Variants in CCDC178 observed in about 807,000 individuals in gnomAD.
CCDC178 encodes coiled-coil domain containing 178.
Under a neutral mutation model 117.4 loss-of-function variants are expected in CCDC178, and 126 were observed. That is an observed-to-expected ratio of 1.07 (90% CI 0.93 to 1.24). The LOEUF (loss-of-function observed/expected upper bound fraction) is 1.24, where lower values mean the gene tolerates loss of function less well. Among genes scored for constraint, CCDC178 ranks in the 50% most tolerant of loss-of-function variants. CCDC178 has a pLI of 0.00. For missense variants in CCDC178, 1,030 were observed against 986.9 expected, an observed-to-expected ratio of 1.04 and a Z score of -0.59; for synonymous variants, 283 against 313.4, an observed-to-expected ratio of 0.90 and a Z score of 1.02.
rs1426338010 is a variant in CCDC178 at position 33,153,833 on chromosome 18, C to A, written c.2238+58063G>T. On this transcript the variant is annotated intron_variant, in intron 20 of 22. Coordinates refer to ENST00000383096, the MANE Select transcript of CCDC178 (RefSeq NM_001105528.4). ...CAGAGAAAAATGGAAAATAATATAT[C>A]CAGTATTATACAAAATTTGTAAATA... Among the ~76,000 whole-genome samples, 5 of 151,206 alleles carry A rather than the reference C, an allele frequency of 3.3e-5. No individual in the cohort carries two copies. The East Asian group carries it at 9.7e-4, about 29-fold the overall frequency.
intron 3 of CCDC178, among the ~76,000 whole-genome samples, chr18:33,405,072 T>C (rs554288022): frequency 6.6e-5 from 10 of 152,130 alleles, no homozygotes; most frequent in African/African-American, 2.2e-4. Flanking sequence ...AAATTCTAAA[T>C]TGTAAACTTT....
chr18:33,030,524 G>GATAGATAGATAGATAGATAC (rs1555630257), intron 21 of CCDC178, among the ~76,000 whole-genome samples: 1,789 of 141,912 alleles, frequency 0.013, 39 homozygotes, highest in African/African-American at 0.046. Flanking sequence ...ACTGATAGAA[G>GATAGATAGATAGATAGATAC]ATAGATAGAT....
At chr18:33,105,471 T>G (rs572062257) in intron 20 of CCDC178, among the ~76,000 whole-genome samples, 62 of 151,628 alleles carry the variant, frequency 4.1e-4, no homozygotes, top group Non-Finnish European at 6.3e-4. Flanking sequence ...AGAGGTACAT[T>G]TATGAAGAAA....
At chr18:33,013,928 T>C (rs2055926427) in intron 21 of CCDC178, among the ~76,000 whole-genome samples, 1 of 152,154 alleles carries the variant, frequency 6.6e-6, no homozygotes, top group Non-Finnish European at 1.5e-5. Flanking sequence ...AATAAGGAGC[T>C]CCGAAAATAT....
At chr18:33,270,871 A>G (rs909107199) in intron 12 of CCDC178, among the ~76,000 whole-genome samples, 1 of 151,530 alleles carries the variant, frequency 6.6e-6, no homozygotes, top group Admixed American at 6.6e-5. Flanking sequence ...TTCATTGCCT[A>G]ATTTAAAAGA....
chr18:33,147,388 T>C (rs1055915713), intron 20 of CCDC178, among the ~76,000 whole-genome samples: 3 of 147,332 alleles, frequency 2.0e-5, no homozygotes, highest in African/African-American at 7.6e-5. Context: ...TTTTAGTATT[T>C]ATTGATCATT....
At chr18:33,227,579 T>TACACACAC (rs1309554505) in intron 15 of CCDC178, among the ~76,000 whole-genome samples, 1 of 67,598 alleles carries the variant, frequency 1.5e-5, no homozygotes, top group African/African-American at 4.6e-5. Context: ...TATATATATA[T>TACACACAC]ACACACACAC....
At chr18:33,291,673 C>T (rs1219143356) in intron 12 of CCDC178, among the ~76,000 whole-genome samples, 1 of 152,010 alleles carries the variant, frequency 6.6e-6, no homozygotes, top group Non-Finnish European at 1.5e-5. Context: ...GCTTCATCTT[C>T]AGGAAAGATG....
rs1245810109 is a variant in CCDC178 at position 33,309,024 on chromosome 18, A to T, written c.1022+14467T>A. ...TAAAAATGGTTTTTAAATTATTGAT[A>T]AAACAAAAATTTTAAAAAGCCTTCA... On this transcript the variant is annotated intron_variant, in intron 11 of 22. Coordinates refer to ENST00000383096, the MANE Select transcript of CCDC178 (RefSeq NM_001105528.4). Among the ~76,000 whole-genome samples the T allele has an allele frequency of 2.0e-5, 3 of 152,216 alleles. No individual in the cohort carries two copies. The East Asian group carries it at 5.8e-4, about 29-fold the overall frequency.
chr18:33,312,231 C>G (rs887682481), intron 11 of CCDC178, among the ~76,000 whole-genome samples: 1 of 152,044 alleles, frequency 6.6e-6, no homozygotes, highest in Admixed American at 6.6e-5. Flanking sequence ...CTTTTAGATG[C>G]CTTTTTCTGC....
At chr18:33,210,320 C>G (rs1287647242) in intron 20 of CCDC178, among the ~76,000 whole-genome samples, 1 of 151,758 alleles carries the variant, frequency 6.6e-6, no homozygotes, top group Non-Finnish European at 1.5e-5. Context: ...AATCATGAGA[C>G]CATATAATGC....
rs917128865 is a variant in CCDC178, at chr18:33,086,445, C to CAT, written c.2388+6314_2388+6315dup. Among the ~76,000 whole-genome samples, 603 of 148,268 alleles carry CAT rather than the reference C, an allele frequency of 4.1e-3. 1 individual carries two copies. The highest frequency in any genetic ancestry group is 6.5e-3 in the Non-Finnish European group (432 of 66,962). ...ATATATACACACACACACACACACACATATATATATATAGCGAGAAAGAGA... is the reference window on the plus strand; with the variant it reads ...ATATATACACACACACACACACACACATATATATATATATAGCGAGAAAGAGA... On this transcript the variant is annotated intron_variant, in intron 21 of 22. Coordinates refer to ENST00000383096, the MANE Select transcript of CCDC178 (RefSeq NM_001105528.4).
chr18:33,175,068 T>C (rs966516632), intron 20 of CCDC178, among the ~76,000 whole-genome samples: 1 of 148,898 alleles, frequency 6.7e-6, no homozygotes, highest in African/African-American at 2.6e-5. Context: ...TTAGTTGAGA[T>C]GGGTTTTCAC....
At chr18:33,091,406 G>C (rs1184091887) in intron 21 of CCDC178, among the ~76,000 whole-genome samples, 1 of 127,220 alleles carries the variant, frequency 7.9e-6, no homozygotes, top group Admixed American at 1.0e-4. Flanking sequence ...GTGCATTCTT[G>C]GCTCACTGCC....
chr18:33,260,181 A>T (rs1333068303), intron 14 of CCDC178, among the ~76,000 whole-genome samples: 1 of 152,094 alleles, frequency 6.6e-6, no homozygotes, highest in African/African-American at 2.4e-5. Context: ...AAGATCATAT[A>T]GTATATACAG....
chr18:33,226,658 C>A, intron 16 of CCDC178, 135 bp downstream of exon 16: 1 of 514,666 alleles, frequency 1.9e-6, no homozygotes. Context: ...AGGGCAACTG[C>A]CATCAGCTAA....
intron 21 of CCDC178, among the ~76,000 whole-genome samples, chr18:33,032,463 C>T (rs568700416): frequency 1.6e-4 from 24 of 152,102 alleles, no homozygotes; most frequent in African/African-American, 3.9e-4. Context: ...CAAGAGGAGG[C>T]GAATCTTAGA....
intron 21 of CCDC178, among the ~76,000 whole-genome samples, chr18:33,075,374 A>G (rs1478533133): frequency 6.6e-6 from 1 of 152,168 alleles, no homozygotes; most frequent in East Asian, 1.9e-4. Context: ...TAATTAATCT[A>G]TATTTGCTGT....
At chr18:33,379,104 TATATATTTCCATATATATATA>T (rs2063401018) in intron 5 of CCDC178, among the ~76,000 whole-genome samples, 2 of 6,728 alleles carry the variant, frequency 3.0e-4, no homozygotes, top group African/African-American at 3.3e-4. Context: ...GCCGTATATA[TATATATTTCCATATATATATA>T]ATATATATAT....
Sources: gnomAD v4.1 joint callset for allele counts (sites outside exome capture counted in the v4.1 genomes callset) on GRCh38, gnomAD v4.1.1 for gene constraint, MANE v1.5 for transcripts, NCBI Gene and HGNC (gene_info 2026-07-23, HGNC 2026-07-21) for gene names.